Variants in INPP4B observed in about 807,000 individuals in gnomAD.
The protein encoded by INPP4B is inositol polyphosphate-4-phosphatase type II B.
INPP4B carries 55 observed loss-of-function variants against 122.5 expected under a neutral mutation model. The observed-to-expected ratio is 0.45, with a 90% CI of 0.36 to 0.56. The LOEUF (loss-of-function observed/expected upper bound fraction) is 0.56, where lower values mean the gene tolerates loss of function less well. Ranked by LOEUF, INPP4B falls within the 20% of genes least tolerant of loss-of-function variation. The pLI is 0.00. For missense variants in INPP4B, 1,000 were observed against 1,097.7 expected, an observed-to-expected ratio of 0.91 and a Z score of 1.26; for synonymous variants, 403 against 388.7, an observed-to-expected ratio of 1.04 and a Z score of -0.43.
At chr4:142,548,661 TG>T (rs1480613483) in intron 2 of INPP4B, among the ~76,000 whole-genome samples, 1 of 152,086 alleles carries the variant, frequency 6.6e-6, no homozygotes, top group Non-Finnish European at 1.5e-5. Context: ...ACAGAATCCT[TG>T]AAATGTGAGT....
intron 1 of INPP4B, among the ~76,000 whole-genome samples, chr4:142,780,850 A>G (rs1417375451): frequency 6.6e-6 from 1 of 152,216 alleles, no homozygotes; most frequent in Non-Finnish European, 1.5e-5. Flanking sequence ...GATTCTGTCT[A>G]GACTGAATCC....
At chr4:142,062,640 G>T (rs1761594076) in intron 25 of INPP4B, among the ~76,000 whole-genome samples, 1 of 152,022 alleles carries the variant, frequency 6.6e-6, no homozygotes, top group Admixed American at 6.6e-5. Context: ...GGGGGCTGAG[G>T]CAGGAGAATC....
At chr4:142,833,825 C>T (rs1782456260) in intron 1 of INPP4B, among the ~76,000 whole-genome samples, 1 of 152,116 alleles carries the variant, frequency 6.6e-6, no homozygotes, top group South Asian at 2.1e-4. Flanking sequence ...GTGAACAAAA[C>T]TGCCATTCCT....
chr4:142,270,911 A>C (rs996381946), intron 9 of INPP4B, 137 bp from the exon 10 acceptor site: 10 of 639,654 alleles, frequency 1.6e-5, no homozygotes, highest in Non-Finnish European at 2.5e-5. Flanking sequence ...AACACAGCAA[A>C]ACATGTTAAT....
intron 7 of INPP4B, among the ~76,000 whole-genome samples, chr4:142,323,162 C>T (rs1052100357): frequency 6.6e-6 from 1 of 152,154 alleles, no homozygotes; most frequent in Non-Finnish European, 1.5e-5. Flanking sequence ...TTTTAGTGTG[C>T]ATACTCATCC....
At chr4:142,478,833 T>C (rs1820137826) in intron 2 of INPP4B, among the ~76,000 whole-genome samples, 1 of 152,166 alleles carries the variant, frequency 6.6e-6, no homozygotes, top group Non-Finnish European at 1.5e-5. Context: ...TTACACCATA[T>C]GCAACAATCA....
chr4:142,305,116 G>A (rs1446788175), intron 9 of INPP4B, among the ~76,000 whole-genome samples: 1 of 152,028 alleles, frequency 6.6e-6, no homozygotes, highest in Non-Finnish European at 1.5e-5. Flanking sequence ...AAAGTTATTT[G>A]ATTAAAAAGT....
chr4:142,199,367 T>C (rs1283931464), intron 14 of INPP4B, among the ~76,000 whole-genome samples: 2 of 151,972 alleles, frequency 1.3e-5, no homozygotes, highest in Admixed American at 1.3e-4. Context: ...AAGATGCACA[T>C]GTACACACAC....
chr4:142,832,598 C>A (rs764229357), intron 1 of INPP4B, among the ~76,000 whole-genome samples: 21 of 152,334 alleles, frequency 1.4e-4, no homozygotes, highest in African/African-American at 5.1e-4. Context: ...GTAAGCCACT[C>A]CCAAAGGGCA....
chr4:142,510,607 G>A (rs918331978), intron 2 of INPP4B, among the ~76,000 whole-genome samples: 1 of 152,146 alleles, frequency 6.6e-6, no homozygotes, highest in African/African-American at 2.4e-5. Flanking sequence ...GGCTTATTAT[G>A]TAATGTAGAG....
At chr4:142,814,620 T>C (rs1779911276) in intron 1 of INPP4B, among the ~76,000 whole-genome samples, 2 of 152,064 alleles carry the variant, frequency 1.3e-5, no homozygotes, top group Admixed American at 6.6e-5. Flanking sequence ...ACCTAAAAGC[T>C]ACACATAGAA....
intron 9 of INPP4B, among the ~76,000 whole-genome samples, chr4:142,273,983 C>T (rs1747172324): frequency 6.6e-6 from 1 of 151,746 alleles, no homozygotes; most frequent in South Asian, 2.1e-4. Flanking sequence ...TACAGGTATC[C>T]ACACTTCTTG....
In INPP4B at chr4:142,545,520, T is replaced by C. The variant is rs142280314; in HGVS notation, c.-190-82794A>G. ...AGAGAAAACGAGGCTAAGTCCATCATAGAGCTCTTTTTTAAATTTTTACCA... is the reference window on the plus strand; with the variant it reads ...AGAGAAAACGAGGCTAAGTCCATCACAGAGCTCTTTTTTAAATTTTTACCA... On this transcript the variant is annotated intron_variant, in intron 2 of 25. Coordinates refer to ENST00000262992, the MANE Select transcript of INPP4B (RefSeq NM_001101669.3). 4.3e-4 allele frequency among the ~76,000 whole-genome samples: 66 copies of C among 152,152 alleles called. 1 individual carries two copies. The highest frequency in any genetic ancestry group is 1.4e-3 in the African/African-American group (60 of 41,536).
chr4:142,668,655 G>T (rs960558600), intron 2 of INPP4B, among the ~76,000 whole-genome samples: 1 of 152,084 alleles, frequency 6.6e-6, no homozygotes, highest in African/African-American at 2.4e-5. Flanking sequence ...ACAAGTAGCA[G>T]AATACAAAAT....
intron 18 of INPP4B, among the ~76,000 whole-genome samples, chr4:142,136,266 G>A (rs749955864): frequency 5.3e-5 from 8 of 152,208 alleles, no homozygotes; most frequent in East Asian, 3.9e-4. Context: ...ATGGAAGGTC[G>A]GGCAGGCACT....
chr4:142,490,197 A>T (rs1821706162), intron 2 of INPP4B, among the ~76,000 whole-genome samples: 1 of 151,546 alleles, frequency 6.6e-6, no homozygotes, highest in South Asian at 2.1e-4. Context: ...TGATGCTCCC[A>T]CCTCAGCCTC....
chr4:142,269,221 C>T (rs1744542240), intron 10 of INPP4B, among the ~76,000 whole-genome samples: 1 of 152,148 alleles, frequency 6.6e-6, no homozygotes. Context: ...CTCCCTTTCA[C>T]ATATAAAATG....
At chr4:142,436,351 G>A (rs928613129) in intron 3 of INPP4B, among the ~76,000 whole-genome samples, 4 of 152,182 alleles carry the variant, frequency 2.6e-5, no homozygotes, top group Non-Finnish European at 5.9e-5. Flanking sequence ...AATCCAGGCA[G>A]CCCAGAAGAG....
chr4:142,519,467 C>T (rs1396065152), intron 2 of INPP4B, among the ~76,000 whole-genome samples: 1 of 152,092 alleles, frequency 6.6e-6, no homozygotes, highest in Admixed American at 6.6e-5. Context: ...TCATTGACTT[C>T]TGCTAACTGG....
Sources: gnomAD v4.1 joint callset for allele counts (sites outside exome capture counted in the v4.1 genomes callset) on GRCh38, gnomAD v4.1.1 for gene constraint, MANE v1.5 for transcripts, NCBI Gene and HGNC (gene_info 2026-07-23, HGNC 2026-07-21) for gene names.